KDM5A: variants seen among roughly 807,000 people sequenced by gnomAD.
KDM5A encodes the protein lysine-specific demethylase 5A.
Under a neutral mutation model 193.5 loss-of-function variants are expected in KDM5A, and 42 were observed. The observed-to-expected ratio is 0.22, with a 90% CI of 0.17 to 0.28. The LOEUF is 0.28. Ranked by LOEUF, KDM5A falls within the 10% of genes least tolerant of loss-of-function variation. The pLI is 1.00. For synonymous variants in KDM5A, 796 were observed against 718.1 expected (o/e 1.11, Z -1.73); for missense variants, 1,692 against 2,055.1 (o/e 0.82, Z 3.42).
At chr12:345,093 CA>C (rs970449610) in intron 10 of KDM5A, among the ~76,000 whole-genome samples, 36 of 142,460 alleles carry the variant, frequency 2.5e-4, no homozygotes, top group Non-Finnish European at 2.3e-4. Flanking sequence ...AAATAGAAAG[CA>C]AAAAAAAAAG....
intron 24 of KDM5A, among the ~76,000 whole-genome samples, chr12:301,065 CCAGA>C (rs1261086902): frequency 6.6e-6 from 1 of 152,134 alleles, no homozygotes; most frequent in Admixed American, 6.5e-5. Flanking sequence ...AAGTCCAGGA[CCAGA>C]CAGATTCATA....
At chr12:382,626 T>C (rs1944587983) in intron 3 of KDM5A, among the ~76,000 whole-genome samples, 1 of 152,240 alleles carries the variant, frequency 6.6e-6, no homozygotes, top group South Asian at 2.1e-4. Context: ...TGTATTATTG[T>C]AGTAACAAAA....
At chr12:374,883 T>A (rs1565551410) in intron 3 of KDM5A, among the ~76,000 whole-genome samples, 2 of 152,240 alleles carry the variant, frequency 1.3e-5, no homozygotes, top group South Asian at 2.1e-4. Flanking sequence ...CTTTTTTTTT[T>A]AAGAATGTTG....
chr12:340,160 G>A (rs1272667638), intron 10 of KDM5A, among the ~76,000 whole-genome samples: 2 of 152,066 alleles, frequency 1.3e-5, no homozygotes, highest in East Asian at 3.9e-4. Flanking sequence ...TTATGGGTGT[G>A]AGCCACTGCA....
At chr12:340,510 AT>A (rs1226623459) in intron 10 of KDM5A, among the ~76,000 whole-genome samples, 3 of 152,074 alleles carry the variant, frequency 2.0e-5, no homozygotes, top group African/African-American at 2.4e-5. Flanking sequence ...CCTGGCCAAC[AT>A]GGTGAAACCC....
intron 5 of KDM5A, among the ~76,000 whole-genome samples, chr12:361,430 G>A (rs570412299): frequency 1.3e-5 from 2 of 152,228 alleles, no homozygotes; most frequent in East Asian, 3.9e-4. Flanking sequence ...TCCTGAACTC[G>A]TGATCTGCCC....
intron 12 of KDM5A, 69 bp downstream of exon 12, chr12:333,418 C>T: frequency 1.3e-6 from 2 of 1,511,746 alleles, no homozygotes; most frequent in South Asian, 1.1e-5. Context: ...GACCCTGTTT[C>T]AAAAAAAAAG....
At chr12:352,604 G>T (rs562570472) in intron 8 of KDM5A, among the ~76,000 whole-genome samples, 1 of 152,278 alleles carries the variant, frequency 6.6e-6, no homozygotes, top group East Asian at 1.9e-4. Flanking sequence ...GCATCTAAAG[G>T]ACTACTGACT....
rs1301171552 is a variant in KDM5A, at chr12:281,681, T to A, written c.*3775A>T. The A allele has an allele frequency of 4.3e-6, 1 of 234,646 alleles. No individual in the cohort carries two copies. Among genetic ancestry groups the A allele is most frequent in the Non-Finnish European group, 8.4e-6 (1 of 119,010 alleles). The allele number at this position is 234,646 out of a possible 1,614,324, so 14.5% of individuals were successfully genotyped here. A position where few individuals can be genotyped will look rare whatever the true frequency, so the allele number is the denominator to read the frequency against. On this transcript the variant is annotated 3_prime_UTR_variant, in exon 28 of 28. Coordinates refer to ENST00000399788, the MANE Select transcript of KDM5A (RefSeq NM_001042603.3). ...TTCAACAGCTCAATTTTTCCACAAT[T>A]TCCACTTTTCAAATCCCATGCCAAA...
At position 350,791 on chromosome 12, in the gene KDM5A, A is replaced by G. The variant is rs757352069; in HGVS notation, c.1150-12T>C. 1.9e-5 allele frequency: 30 copies of G among 1,612,710 alleles called. No individual in the cohort carries two copies. In the African/African-American group the frequency reaches 3.3e-4, roughly 18 times the overall value. On this transcript the variant is annotated splice_polypyrimidine_tract_variant and intron_variant, in intron 9 of 27. Coordinates refer to ENST00000399788, the MANE Select transcript of KDM5A (RefSeq NM_001042603.3). ...TCTGTGGGAACCATCTACACAGGGAAAAAAAAGATGACAAATTATTAAACC... is the reference window on the plus strand; with the variant it reads ...TCTGTGGGAACCATCTACACAGGGAGAAAAAAGATGACAAATTATTAAACC...
At chr12:312,139 T>C (rs1182250715) in intron 20 of KDM5A, among the ~76,000 whole-genome samples, 1 of 152,260 alleles carries the variant, frequency 6.6e-6, no homozygotes, top group Non-Finnish European at 1.5e-5. Context: ...AGTATTTATA[T>C]ACTTAACACT....
At position 321,049 on chromosome 12, in the gene KDM5A, A is replaced by G; in HGVS notation, c.2487T>C (p.Phe829=). 1 of 1,613,932 alleles carries G rather than the reference A, an allele frequency of 6.2e-7. No homozygotes were observed. Among genetic ancestry groups the G allele is most frequent in the Non-Finnish European group, 8.5e-7 (1 of 1,179,808 alleles). ...ACGGAAGACTAAAAAGTTGTTGGAC[A>G]AAGGCCTTCAATTCTTCCACTGTCA... The part of the protein sequence containing the change: ...TKLTVEELKA[F]VQQLFSLPCV... Residue 829 remains phenylalanine, a synonymous_variant, in exon 18 of 28, where the codon TTT becomes TTC. Transcript: ENST00000399788.
intron 24 of KDM5A, among the ~76,000 whole-genome samples, chr12:297,594 G>C (rs775701105): frequency 3.9e-5 from 6 of 152,126 alleles, no homozygotes; most frequent in Non-Finnish European, 8.8e-5. Context: ...CACACACCTT[G>C]TACCAGGGCC....
intron 10 of KDM5A, among the ~76,000 whole-genome samples, chr12:336,352 T>A: frequency 7.4e-6 from 1 of 134,682 alleles, no homozygotes; most frequent in Non-Finnish European, 1.5e-5. Context: ...TGAGACCCTG[T>A]CTCACTAAAA....
Position 310,993 on chromosome 12 carries a change from A to T in KDM5A, c.3108T>A (p.Arg1036=). The stretch of plus-strand genomic sequence containing the variant: ...ATTCCACTTGCGGCAGTGCTTCAAG[A>T]CGCACAGGAATAGGGCGTCCTTTCG... ...LSAKGRPIPV[R]LEALPQVESQ... is the part of the protein sequence containing the mutation. The change falls in exon 21 of 28, where the codon CGT becomes CGA. Residue 1036 remains arginine (R), a synonymous_variant. Coordinates refer to ENST00000399788, the MANE Select transcript of KDM5A (RefSeq NM_001042603.3). The T allele has an allele frequency of 6.2e-7, 1 of 1,614,162 alleles. No homozygotes were observed. Among genetic ancestry groups the T allele is most frequent in the Non-Finnish European group, 8.5e-7 (1 of 1,180,020 alleles).
At chr12:293,931 A>G (rs1943337024) in intron 26 of KDM5A, among the ~76,000 whole-genome samples, 1 of 151,774 alleles carries the variant, frequency 6.6e-6, no homozygotes, top group Non-Finnish European at 1.5e-5. Context: ...TAGGAGAAAA[A>G]GGGCATATAA....
chr12:330,197 C>T (rs1244504387), intron 13 of KDM5A, among the ~76,000 whole-genome samples: 2 of 151,564 alleles, frequency 1.3e-5, no homozygotes, highest in South Asian at 2.1e-4. Flanking sequence ...AACACAAAAA[C>T]AAGCAAAAGA....
In KDM5A at chr12:280,469, T is replaced by A. The variant is rs1001946961; in HGVS notation, c.*4987A>T. ...GATTCCCCTCCCTGCCCCCGCTCTT[T>A]CAACCAACCCTCCTCCTAACATACA... is the stretch of plus-strand genomic sequence containing the variant. On this transcript the variant is annotated 3_prime_UTR_variant, in exon 28 of 28. Transcript: ENST00000399788. 6 of 233,000 alleles carry A rather than the reference T, an allele frequency of 2.6e-5. No homozygotes were observed. The highest frequency in any genetic ancestry group is 1.3e-4 in the African/African-American group (6 of 45,312). The allele number at this position is 233,000 out of a possible 1,614,324, so 14.4% of individuals were successfully genotyped here.
chr12:378,820 G>A (rs897058130), intron 3 of KDM5A, among the ~76,000 whole-genome samples: 3 of 152,090 alleles, frequency 2.0e-5, no homozygotes, highest in African/African-American at 4.8e-5. Flanking sequence ...TTAGCCGGGC[G>A]TGGTGGTGGG....
Sources: gnomAD v4.1 joint callset for allele counts (sites outside exome capture counted in the v4.1 genomes callset) on GRCh38, gnomAD v4.1.1 for gene constraint, MANE v1.5 for transcripts, NCBI Gene and HGNC (gene_info 2026-07-23, HGNC 2026-07-21) for gene names.